PTMA: variants seen among roughly 807,000 people sequenced by gnomAD.
The protein encoded by PTMA is gene sequence 28.
PTMA carries 4 observed loss-of-function variants against 16.9 expected under a neutral mutation model. That is an observed-to-expected ratio of 0.24 (90% CI 0.12 to 0.54). PTMA has a LOEUF of 0.54. PTMA is among the 20% of genes least tolerant of loss of function. PTMA has a pLI of 0.95. For missense variants in PTMA, 120 were observed against 137.7 expected, an observed-to-expected ratio of 0.87 and a Z score of 0.64; for synonymous variants, 58 against 47.9, an observed-to-expected ratio of 1.21 and a Z score of -0.87.
chr2:231,710,968 G>T (rs1429651107), intron 1 of PTMA, among the ~76,000 whole-genome samples: 1 of 152,258 alleles, frequency 6.6e-6, no homozygotes, highest in East Asian at 1.9e-4. Flanking sequence ...ACGGCTCGAG[G>T]GGCGGGCTCT....
intron 1 of PTMA, among the ~76,000 whole-genome samples, chr2:231,709,277 C>CT (rs2048484531): frequency 6.6e-6 from 1 of 152,144 alleles, no homozygotes; most frequent in African/African-American, 2.4e-5. Flanking sequence ...TTTGTCTAGA[C>CT]TAAGTCCCGA....
At position 231,708,601 on chromosome 2, in the gene PTMA, C is replaced by A; in HGVS notation, c.-106C>A. ...CCTTGCTCGCCGCAGCCGCCTCCGC[C>A]GCGCGCCTCCTCCGCCGCCGCGGAC... On this transcript the variant is annotated 5_prime_UTR_variant, in exon 1 of 5. Coordinates refer to ENST00000409115, the MANE Select transcript of PTMA (RefSeq NM_002823.5). 4.8e-6 allele frequency: 7 copies of A among 1,445,904 alleles called. No individual in the cohort carries two copies. Among genetic ancestry groups the A allele is most frequent in the Non-Finnish European group, 5.7e-6 (6 of 1,045,736 alleles). 89.6% of individuals were successfully genotyped at this position (1,445,904 alleles called of 1,614,324 possible). A position where few individuals can be genotyped will look rare whatever the true frequency, so the allele number is the denominator to read the frequency against.
chr2:231,710,472 G>C, intron 1 of PTMA: 1 of 1,077,830 alleles, frequency 9.3e-7, no homozygotes, highest in Non-Finnish European at 1.2e-6. Context: ...GGGCGGAGCC[G>C]GGGTCCGCGG....
intron 1 of PTMA, among the ~76,000 whole-genome samples, chr2:231,710,833 T>A (rs570826701): frequency 6.6e-6 from 1 of 152,308 alleles, no homozygotes; most frequent in Non-Finnish European, 1.5e-5. Flanking sequence ...TAGATACCTG[T>A]CCTGGCCGGG....
At position 231,710,511 on chromosome 2, in the gene PTMA, G is replaced by A. The variant is rs773828097; in HGVS notation, c.46-837G>A. The A allele has an allele frequency of 9.5e-5, 91 of 956,134 alleles. No homozygotes were observed. In the Middle Eastern group the frequency reaches 9.6e-4, roughly 10 times the overall value. 59.2% of individuals were successfully genotyped at this position (956,134 alleles called of 1,614,324 possible). On this transcript the variant is annotated intron_variant, in intron 1 of 4. Transcript: ENST00000409115. Reference sequence around the variant, plus strand: ...GGAGCGGGGCGGGCCGGACTGAGAGGGCCGACAGGTGGCCCGGAGCCGCTC... The same window carrying A: ...GGAGCGGGGCGGGCCGGACTGAGAGAGCCGACAGGTGGCCCGGAGCCGCTC...
At chr2:231,712,780 C>G in intron 4 of PTMA, 24 bp from the exon 5 acceptor site, 1 of 1,586,766 alleles carries the variant, frequency 6.3e-7, no homozygotes, top group East Asian at 2.3e-5. Context: ...TTGGAGGGGC[C>G]TTTGACAGTC....
At chr2:231,710,184 G>T in intron 1 of PTMA, 1 of 1,300,396 alleles carries the variant, frequency 7.7e-7, no homozygotes, top group South Asian at 2.5e-5. Flanking sequence ...GCCGAATGCA[G>T]ACATTCGGGC....
chr2:231,710,494 G>GT, intron 1 of PTMA: 1 of 1,082,704 alleles, frequency 9.2e-7, no homozygotes, highest in Non-Finnish European at 1.2e-6. Flanking sequence ...GCGGAGCGGG[G>GT]CGGGCCGGAC....
rs2048472584 is a variant in PTMA, at chr2:231,708,722, G to A, written c.16G>A (p.Val6Ile). Residue 6 changes from valine to isoleucine, a missense_variant, in exon 1 of 5, where the codon GTA becomes ATA. Physicochemically the swap from Val to Ile is conservative, Grantham distance 29. Transcript: ENST00000409115. The part of the protein sequence containing the change: MSDAA[V>I]DTSSEITTKD... Reference sequence around the variant, plus strand: ...GTGCCCCACCATGTCAGACGCAGCCGTAGACACCAGCTCCGAAATCACCAC... The same window carrying A: ...GTGCCCCACCATGTCAGACGCAGCCATAGACACCAGCTCCGAAATCACCAC... 1.2e-6 allele frequency: 2 copies of A among 1,603,580 alleles called. No homozygotes were observed. Among genetic ancestry groups the A allele is most frequent in the Non-Finnish European group, 1.7e-6 (2 of 1,179,618 alleles).
At chr2:231,710,320 G>T in intron 1 of PTMA, 1 of 1,236,750 alleles carries the variant, frequency 8.1e-7, no homozygotes, top group Non-Finnish European at 1.0e-6. Context: ...CGCACTCGGC[G>T]GCCCCGGGCC....
intron 1 of PTMA, 32 bp downstream of exon 1, chr2:231,708,783 T>A (rs770608096): frequency 1.9e-6 from 3 of 1,596,594 alleles, no homozygotes; most frequent in Non-Finnish European, 2.5e-6. Flanking sequence ...CCCCTCGGGG[T>A]CCGCGCGCCG....
Position 231,712,608 on chromosome 2 carries a change from C to T in PTMA, c.285+92C>T, listed in dbSNP as rs552962818. 119 of 1,451,928 alleles carry T rather than the reference C, an allele frequency of 8.2e-5. No individual in the cohort carries two copies. In the Admixed American group the frequency reaches 2.0e-3, roughly 25 times the overall value. The allele number at this position is 1,451,928 out of a possible 1,614,324, so 89.9% of individuals were successfully genotyped here. On this transcript the variant is annotated intron_variant, in intron 4 of 4. Coordinates refer to ENST00000409115, the MANE Select transcript of PTMA (RefSeq NM_002823.5). ...TGCTCAAGCTGCGGAGGGACTGTTTCTGACTTTGTAGGTGGCCACTGTGTG... is the reference window on the plus strand; with the variant it reads ...TGCTCAAGCTGCGGAGGGACTGTTTTTGACTTTGTAGGTGGCCACTGTGTG...
intron 1 of PTMA, chr2:231,710,166 C>T: frequency 1.6e-6 from 2 of 1,281,466 alleles, no homozygotes; most frequent in South Asian, 2.8e-5. Context: ...TCCCGTGGGA[C>T]TTGGCCCGCC....
At chr2:231,712,312 C>T (rs927616508) in intron 3 of PTMA, 131 bp from the exon 4 acceptor site, 2 of 1,013,154 alleles carry the variant, frequency 2.0e-6, no homozygotes, top group Admixed American at 2.1e-5. Flanking sequence ...GCGTGGGTGC[C>T]CTGATTGGGC....
In PTMA at chr2:231,711,290, C is replaced by A. The variant is rs762264924; in HGVS notation, c.46-58C>A. The A allele has an allele frequency of 2.7e-6, 4 of 1,465,264 alleles. No individual in the cohort carries two copies. The Admixed American group carries it at 6.8e-5, about 25-fold the overall frequency. The allele number at this position is 1,465,264 out of a possible 1,614,324, so 90.8% of individuals were successfully genotyped here. ...AGACCAGTAGTTCTCAGCGCCTTTG[C>A]TTACCCTGGGTTGCTCAGAAGACTT... On this transcript the variant is annotated intron_variant, in intron 1 of 4. Coordinates refer to ENST00000409115, the MANE Select transcript of PTMA (RefSeq NM_002823.5).
chr2:231,709,549 C>T (rs1005019936), intron 1 of PTMA, among the ~76,000 whole-genome samples: 8 of 152,140 alleles, frequency 5.3e-5, no homozygotes, highest in Non-Finnish European at 1.0e-4. Flanking sequence ...CGCGGCTGCC[C>T]GGGAGCACCG....
At position 231,708,596 on chromosome 2, in the gene PTMA, T is replaced by G. The variant is rs547581005; in HGVS notation, c.-111T>G. ...CGCCTCCTTGCTCGCCGCAGCCGCC[T>G]CCGCCGCGCGCCTCCTCCGCCGCCG... On this transcript the variant is annotated 5_prime_UTR_variant, in exon 1 of 5. Coordinates refer to ENST00000409115, the MANE Select transcript of PTMA (RefSeq NM_002823.5). 215 of 1,399,012 alleles carry G rather than the reference T, an allele frequency of 1.5e-4. No individual in the cohort carries two copies. The African/African-American group carries it at 2.2e-3, about 15-fold the overall frequency. 86.7% of individuals were successfully genotyped at this position (1,399,012 alleles called of 1,614,324 possible). A position where few individuals can be genotyped will look rare whatever the true frequency, so the allele number is the denominator to read the frequency against.
In PTMA at chr2:231,713,207, G is replaced by A. The variant is rs1005408919; in HGVS notation, c.*356G>A. 7 of 470,854 alleles carry A rather than the reference G, an allele frequency of 1.5e-5. No individual in the cohort carries two copies. The highest frequency in any genetic ancestry group is 2.9e-5 in the Admixed American group (1 of 34,834). 29.2% of individuals were successfully genotyped at this position (470,854 alleles called of 1,614,324 possible). On this transcript the variant is annotated 3_prime_UTR_variant, in exon 5 of 5. Coordinates refer to ENST00000409115, the MANE Select transcript of PTMA (RefSeq NM_002823.5). ...GGATGACCAAACCAGCCTTCGGAGC[G>A]TTCTCTGTCCTACTTCTGACTTTAC...
At position 231,712,565 on chromosome 2, in the gene PTMA, A is replaced by G. The variant is rs549042634; in HGVS notation, c.285+49A>G. 41 of 1,585,280 alleles carry G rather than the reference A, an allele frequency of 2.6e-5. No individual in the cohort carries two copies. In the East Asian group the frequency reaches 7.6e-4, roughly 29 times the overall value. ...GGGGGTTTGGCATCTGGGTCTCCCC[A>G]CCTGCCTTTAGCTGAGGTGCTCAAG... is the stretch of plus-strand genomic sequence containing the variant. On this transcript the variant is annotated intron_variant, in intron 4 of 4. Coordinates refer to ENST00000409115, the MANE Select transcript of PTMA (RefSeq NM_002823.5).
Sources: gnomAD v4.1 joint callset for allele counts (sites outside exome capture counted in the v4.1 genomes callset) on GRCh38, gnomAD v4.1.1 for gene constraint, MANE v1.5 for transcripts, NCBI Gene and HGNC (gene_info 2026-07-23, HGNC 2026-07-21) for gene names.